Variants in WDR49 observed in about 807,000 individuals in gnomAD.
WDR49 encodes WD repeat domain 49, also known as cilia- and flagella-associated protein 337.
A neutral mutation model predicts 119.5 loss-of-function variants in WDR49; 107 were observed. The observed-to-expected ratio is 0.90, with a 90% CI of 0.77 to 1.05. The LOEUF (loss-of-function observed/expected upper bound fraction) is 1.05. WDR49 is among the 50% of genes least tolerant of loss of function. The probability of loss-of-function intolerance (pLI) is 0.00; values close to 1 mark genes in which losing one functional copy is unlikely to be tolerated. For synonymous variants in WDR49, 425 were observed against 418.8 expected, an observed-to-expected ratio of 1.01 and a Z score of -0.18; for missense variants, 1,240 against 1,220.5, an observed-to-expected ratio of 1.02 and a Z score of -0.24.
At chr3:167,602,744 G>A (rs183310109) in intron 6 of WDR49, among the ~76,000 whole-genome samples, 2 of 152,212 alleles carry the variant, frequency 1.3e-5, no homozygotes, top group African/African-American at 4.8e-5. Flanking sequence ...AAGTAATCAA[G>A]TACAGTCATG....
chr3:167,496,070 A>C (rs932071489), intron 18 of WDR49, among the ~76,000 whole-genome samples: 1 of 152,106 alleles, frequency 6.6e-6, no homozygotes, highest in African/African-American at 2.4e-5. Flanking sequence ...AGACTGAAGG[A>C]AAATGGTCTC....
intron 16 of WDR49, among the ~76,000 whole-genome samples, chr3:167,517,676 AT>A (rs568474280): frequency 9.7e-4 from 133 of 136,666 alleles, no homozygotes; most frequent in African/African-American, 2.3e-3. Flanking sequence ...CCAATGAGAT[AT>A]TTTTTTTTTC....
intron 5 of WDR49, among the ~76,000 whole-genome samples, chr3:167,616,423 G>A (rs1027853565): frequency 3.3e-5 from 5 of 152,076 alleles, no homozygotes; most frequent in African/African-American, 9.7e-5. Context: ...CCTGAGAGAA[G>A]AGAAACAAAT....
rs1050131657 is a variant in WDR49 at position 167,588,650 on chromosome 3, G to T, written c.1276-12499C>A. ...TTAACTGGGGTAACATTGTAAATTT[G>T]ATATCTCATTGTAATTTTGATTTGC... On this transcript the variant is annotated intron_variant, in intron 7 of 18. Coordinates refer to ENST00000682715, the MANE Select transcript of WDR49 (RefSeq NM_001366157.1). 4.6e-5 allele frequency among the ~76,000 whole-genome samples: 7 copies of T among 152,070 alleles called. No homozygotes were observed. In the South Asian group the frequency reaches 1.2e-3, roughly 27 times the overall value.
At chr3:167,622,485 T>C (rs1716919943) in intron 3 of WDR49, among the ~76,000 whole-genome samples, 1 of 152,214 alleles carries the variant, frequency 6.6e-6, no homozygotes, top group Admixed American at 6.6e-5. Flanking sequence ...CTTTGCCCTT[T>C]AATTGGTTAG....
chr3:167,620,597 C>G lies in WDR49; in HGVS notation c.790G>C (p.Ala264Pro). ...SFGDITGKVQ[A>P]IAFTAALISL... Reference sequence around the variant, plus strand: ...ATCAAGGCTGCGGTGAAAGCAATTGCTTGAACCTTGACAGAGACATTGAAA... The same window carrying G: ...ATCAAGGCTGCGGTGAAAGCAATTGGTTGAACCTTGACAGAGACATTGAAA... Residue 264 changes from alanine to proline, a missense_variant, in exon 5 of 19, where the codon GCA becomes CCA. Coordinates refer to ENST00000682715, the MANE Select transcript of WDR49 (RefSeq NM_001366157.1). The G allele has an allele frequency of 6.5e-7, 1 of 1,533,048 alleles. No individual in the cohort carries two copies. The highest frequency in any genetic ancestry group is 8.7e-7 in the Non-Finnish European group (1 of 1,145,126). 95.0% of individuals were successfully genotyped at this position (1,533,048 alleles called of 1,614,324 possible).
At chr3:167,581,298 TAGAA>T (rs1161508467) in intron 7 of WDR49, among the ~76,000 whole-genome samples, 1 of 152,138 alleles carries the variant, frequency 6.6e-6, no homozygotes, top group African/African-American at 2.4e-5. Flanking sequence ...ACAATAGACC[TAGAA>T]ATCAATGGAT....
intron 10 of WDR49, among the ~76,000 whole-genome samples, chr3:167,549,877 G>A (rs1031828098): frequency 6.6e-6 from 1 of 152,070 alleles, no homozygotes; most frequent in African/African-American, 2.4e-5. Flanking sequence ...TGTATAAGGT[G>A]TAAGGAAGGG....
intron 10 of WDR49, among the ~76,000 whole-genome samples, chr3:167,541,960 C>T (rs1305993351): frequency 6.6e-6 from 1 of 151,732 alleles, no homozygotes; most frequent in Non-Finnish European, 1.5e-5. Flanking sequence ...CAAACAAGAG[C>T]TTGCAGTTAG....
At chr3:167,563,478 A>AATC (rs1311725411) in intron 8 of WDR49, among the ~76,000 whole-genome samples, 2 of 152,202 alleles carry the variant, frequency 1.3e-5, no homozygotes. Flanking sequence ...TTACAGATAA[A>AATC]ATCATGAAAG....
intron 7 of WDR49, among the ~76,000 whole-genome samples, chr3:167,599,342 G>T (rs774480567): frequency 1.3e-5 from 2 of 152,134 alleles, no homozygotes; most frequent in African/African-American, 2.4e-5. Flanking sequence ...CACAGGCAGA[G>T]GAGCCTCACC....
intron 15 of WDR49, among the ~76,000 whole-genome samples, chr3:167,526,063 GA>G (rs1342416184): frequency 6.6e-6 from 1 of 151,888 alleles, no homozygotes; most frequent in Admixed American, 6.6e-5. Flanking sequence ...GAAGGAACTA[GA>G]AAACCGTTTT....
chr3:167,611,502 G>A (rs1028335019), intron 5 of WDR49, among the ~76,000 whole-genome samples: 1 of 151,948 alleles, frequency 6.6e-6, no homozygotes, highest in Non-Finnish European at 1.5e-5. Flanking sequence ...GAATTTAAAT[G>A]GATTAAACTC....
intron 7 of WDR49, among the ~76,000 whole-genome samples, chr3:167,588,216 T>G (rs971748230): frequency 6.6e-6 from 1 of 152,198 alleles, no homozygotes; most frequent in Non-Finnish European, 1.5e-5. Flanking sequence ...TGTCTTTCTC[T>G]AACTGGCTTA....
intron 2 of WDR49, among the ~76,000 whole-genome samples, chr3:167,650,528 A>T (rs1196670697): frequency 6.6e-6 from 1 of 152,170 alleles, no homozygotes; most frequent in Non-Finnish European, 1.5e-5. Flanking sequence ...GTCAATTAGA[A>T]TTTTTGCCTG....
Position 167,554,684 on chromosome 3 carries a change from T to A in WDR49, c.1789A>T (p.Arg597Trp). The change falls in exon 10 of 19, where the codon AGG becomes TGG. Residue 597 changes from arginine (R) to tryptophan (W), a missense_variant. Arg to Trp is a moderately radical substitution (Grantham distance 101). Coordinates refer to ENST00000682715, the MANE Select transcript of WDR49 (RefSeq NM_001366157.1). ...GTTTTCCATGAGGCATAATCATACC[T>A]CTCCCAGCCTGTAACCAGTATTTTC... Reference protein sequence around the residue: ...KKKILVTGWERYDYASWKTIG... With the variant: ...KKKILVTGWEWYDYASWKTIG... The A allele has an allele frequency of 6.2e-7, 1 of 1,607,344 alleles. No homozygotes were observed. The highest frequency in any genetic ancestry group is 8.5e-7 in the Non-Finnish European group (1 of 1,175,660).
At chr3:167,522,240 G>A in intron 16 of WDR49, 75 bp downstream of exon 16, 1 of 1,410,152 alleles carries the variant, frequency 7.1e-7, no homozygotes, top group East Asian at 2.5e-5. Flanking sequence ...GAGGACACAA[G>A]GAAATTTGGA....
chr3:167,653,298 C>A lies in WDR49; in HGVS notation c.128G>T (p.Ser43Ile). ...YGTGLLENQLSVGDFVKIQKA... is the reference protein window; with the variant it reads ...YGTGLLENQLIVGDFVKIQKA... ...CTGTATTTTTACAAAGTCACCCACG[C>A]TGAGTTGGTTTTCAAGCAGGCCTGT... The change falls in exon 2 of 19, where the codon AGC (serine) becomes ATC (isoleucine). Residue 43 changes from serine (S) to isoleucine (I), a missense_variant. Ser to Ile is a moderately radical substitution (Grantham distance 142). Coordinates refer to ENST00000682715, the MANE Select transcript of WDR49 (RefSeq NM_001366157.1). 1 of 1,536,174 alleles carries A rather than the reference C, an allele frequency of 6.5e-7. No homozygotes were observed. Among genetic ancestry groups the A allele is most frequent in the South Asian group, 1.2e-5 (1 of 84,062 alleles).
chr3:167,641,603 C>A (rs1023589378), intron 2 of WDR49, among the ~76,000 whole-genome samples: 1 of 151,922 alleles, frequency 6.6e-6, no homozygotes, highest in Admixed American at 6.6e-5. Flanking sequence ...TATTTCTCTT[C>A]TGGATATATT....
Sources: allele counts gnomAD v4.1 joint callset (sites outside exome capture counted in the v4.1 genomes callset), GRCh38; gene constraint gnomAD v4.1.1; transcripts MANE v1.5; gene names NCBI Gene and HGNC (gene_info 2026-07-23, HGNC 2026-07-21).